Variants in SCFD2 observed in about 807,000 individuals in gnomAD.
SCFD2 encodes the protein sec1 family domain-containing protein 2.
A neutral mutation model predicts 58.9 loss-of-function variants in SCFD2; 54 were observed. The observed-to-expected ratio is 0.92, with a 90% CI of 0.74 to 1.15. SCFD2 has a LOEUF of 1.15. SCFD2 is among the 50% of genes most tolerant of loss of function. The pLI is 0.00. For synonymous variants in SCFD2, 321 were observed against 335.9 expected (o/e 0.96, Z 0.49); for missense variants, 805 against 836.6 (o/e 0.96, Z 0.47).
chr4:53,264,273 G>A (rs555608615), intron 4 of SCFD2, among the ~76,000 whole-genome samples: 1 of 152,162 alleles, frequency 6.6e-6, no homozygotes, highest in Non-Finnish European at 1.5e-5. Context: ...ATCTCAGGGA[G>A]CCTGCAGTAG....
intron 5 of SCFD2, among the ~76,000 whole-genome samples, chr4:52,942,938 G>C (rs569600672): frequency 1.3e-5 from 2 of 148,582 alleles, no homozygotes; most frequent in Middle Eastern, 3.2e-3. Flanking sequence ...GCCATGGAAA[G>C]TAAAAGCAAA....
chr4:53,137,122 T>C (rs766650490), intron 5 of SCFD2, among the ~76,000 whole-genome samples: 1 of 152,204 alleles, frequency 6.6e-6, no homozygotes, highest in Non-Finnish European at 1.5e-5. Flanking sequence ...TTATGACAAA[T>C]ATACACCCAG....
chr4:53,303,646 T>C (rs1460574084), intron 3 of SCFD2, among the ~76,000 whole-genome samples: 1 of 152,112 alleles, frequency 6.6e-6, no homozygotes, highest in African/African-American at 2.4e-5. Flanking sequence ...TAAAGACACA[T>C]GCACATGTAT....
At chr4:53,118,886 A>G (rs1240086650) in intron 5 of SCFD2, among the ~76,000 whole-genome samples, 4 of 152,200 alleles carry the variant, frequency 2.6e-5, no homozygotes, top group African/African-American at 4.8e-5. Context: ...AGTGGTATCC[A>G]TATCACATGG....
intron 5 of SCFD2, among the ~76,000 whole-genome samples, chr4:53,077,965 G>A (rs1724031224): frequency 6.6e-6 from 1 of 152,138 alleles, no homozygotes; most frequent in Admixed American, 6.6e-5. Context: ...AGAGCTTGGT[G>A]TAGTATGATT....
At chr4:53,180,256 G>C (rs190445321) in intron 4 of SCFD2, among the ~76,000 whole-genome samples, 1 of 152,122 alleles carries the variant, frequency 6.6e-6, no homozygotes, top group Non-Finnish European at 1.5e-5. Context: ...TGGAAGTAAA[G>C]CACTCCTCAG....
At chr4:53,084,884 C>A (rs962865892) in intron 5 of SCFD2, among the ~76,000 whole-genome samples, 1 of 152,178 alleles carries the variant, frequency 6.6e-6, no homozygotes, top group African/African-American at 2.4e-5. Context: ...AAGGAACATA[C>A]GTTGACACAA....
intron 5 of SCFD2, among the ~76,000 whole-genome samples, chr4:53,091,678 T>C (rs1724473717): frequency 2.6e-5 from 4 of 152,096 alleles, no homozygotes. Flanking sequence ...GTCCTGTAGA[T>C]ACAACTTTCA....
chr4:53,331,629 C>T (rs1043935298), intron 2 of SCFD2, among the ~76,000 whole-genome samples: 4 of 151,768 alleles, frequency 2.6e-5, no homozygotes, highest in African/African-American at 9.7e-5. Context: ...CACTAAATGC[C>T]CACAGGAGAA....
chr4:53,065,110 T>C (rs965340190), intron 5 of SCFD2, among the ~76,000 whole-genome samples: 3 of 152,066 alleles, frequency 2.0e-5, no homozygotes, highest in Non-Finnish European at 2.9e-5. Flanking sequence ...ACTCCAGTCA[T>C]GACAGCAGAT....
Position 53,178,955 on chromosome 4 carries a change from G to T in SCFD2, c.1312-33373C>A, listed in dbSNP as rs1415672008. ...TGAGAAGAGAAGTTTAGAGAAAAAA[G>T]AATAAAAAGAAAGGAACAAAGCCTC... On this transcript the variant is annotated intron_variant, in intron 4 of 8. Transcript: ENST00000401642. Among the ~76,000 whole-genome samples, 13 of 152,104 alleles carry T rather than the reference G, an allele frequency of 8.5e-5. No individual in the cohort carries two copies. In the East Asian group the frequency reaches 2.3e-3, roughly 27 times the overall value.
At chr4:52,893,358 T>C (rs1448740945) in intron 7 of SCFD2, among the ~76,000 whole-genome samples, 1 of 152,120 alleles carries the variant, frequency 6.6e-6, no homozygotes, top group Non-Finnish European at 1.5e-5. Context: ...GGAGCACTAC[T>C]GCACCCTGTC....
intron 4 of SCFD2, among the ~76,000 whole-genome samples, chr4:53,231,378 G>A (rs1382037542): frequency 6.6e-6 from 1 of 152,064 alleles, no homozygotes; most frequent in Non-Finnish European, 1.5e-5. Flanking sequence ...TGTCTAATAG[G>A]TGGCTCGATA....
chr4:53,342,872 G>A (rs1001006834), intron 2 of SCFD2, among the ~76,000 whole-genome samples: 3 of 152,122 alleles, frequency 2.0e-5, no homozygotes, highest in South Asian at 2.1e-4. Flanking sequence ...GGTACATAAC[G>A]AAATGAAGGC....
At chr4:53,043,688 GA>G (rs1217878533) in intron 5 of SCFD2, among the ~76,000 whole-genome samples, 9 of 152,174 alleles carry the variant, frequency 5.9e-5, no homozygotes, top group Non-Finnish European at 1.2e-4. Context: ...TGTACTACAA[GA>G]AAAGACTTTG....
At chr4:53,185,031 C>T (rs1727698101) in intron 4 of SCFD2, among the ~76,000 whole-genome samples, 1 of 151,966 alleles carries the variant, frequency 6.6e-6, no homozygotes, top group South Asian at 2.1e-4. Flanking sequence ...GTGAACATTA[C>T]CAATAGCTAA....
At chr4:53,212,999 G>A (rs1057145790) in intron 4 of SCFD2, among the ~76,000 whole-genome samples, 5 of 152,116 alleles carry the variant, frequency 3.3e-5, no homozygotes, top group Admixed American at 6.5e-5. Context: ...CTGTATGTAC[G>A]AATAAGGCTG....
At chr4:53,138,229 C>A (rs1175416735) in intron 5 of SCFD2, among the ~76,000 whole-genome samples, 3 of 151,980 alleles carry the variant, frequency 2.0e-5, no homozygotes, top group Non-Finnish European at 2.9e-5. Context: ...AGGGCAGTTA[C>A]GTTTATATCA....
intron 5 of SCFD2, among the ~76,000 whole-genome samples, chr4:53,009,139 T>G (rs1057264369): frequency 6.6e-6 from 1 of 152,206 alleles, no homozygotes; most frequent in African/African-American, 2.4e-5. Flanking sequence ...TAGTCCTCTC[T>G]CACTATCAGC....
Sources: allele counts gnomAD v4.1 joint callset (sites outside exome capture counted in the v4.1 genomes callset), GRCh38; gene constraint gnomAD v4.1.1; transcripts MANE v1.5; gene names NCBI Gene and HGNC (gene_info 2026-07-23, HGNC 2026-07-21).